TRAF3IP1: variants seen among roughly 807,000 people sequenced by gnomAD.
The protein encoded by TRAF3IP1 is intraflagellar transport 54, also known as TRAF3-interacting protein 1.
TRAF3IP1 carries 53 observed loss-of-function variants against 89.9 expected under a neutral mutation model. That is an observed-to-expected ratio of 0.59 (90% CI 0.47 to 0.74). The LOEUF is 0.74. Among genes scored for constraint, TRAF3IP1 ranks in the 30% least tolerant of loss-of-function variants. TRAF3IP1 has a pLI of 0.00. For missense variants in TRAF3IP1, 806 were observed against 866.1 expected, an observed-to-expected ratio of 0.93 and a Z score of 0.87; for synonymous variants, 311 against 322.1, an observed-to-expected ratio of 0.97 and a Z score of 0.37.
At chr2:238,325,670 A>G in intron 2 of TRAF3IP1, 139 bp from the exon 3 acceptor site, 1 of 860,468 alleles carries the variant, frequency 1.2e-6, no homozygotes. Flanking sequence ...GTAAAAGGTC[A>G]GTATTTCTAG....
Position 238,397,455 on chromosome 2 carries a change from G to A in TRAF3IP1, c.1690-4G>A, listed in dbSNP as rs1471372174. 4.3e-6 allele frequency: 7 copies of A among 1,612,350 alleles called. No individual in the cohort carries two copies. The highest frequency in any genetic ancestry group is 5.9e-6 in the Non-Finnish European group (7 of 1,179,642). On this transcript the variant is annotated splice_polypyrimidine_tract_variant and splice_region_variant and intron_variant, in intron 15 of 16. Coordinates refer to ENST00000373327, the MANE Select transcript of TRAF3IP1 (RefSeq NM_015650.4). ...TTCCTCTTCCTATGTCTCCCTGACTGTAGGAGCGATCTCTCTTTGAGTCGG... is the reference window on the plus strand; with the variant it reads ...TTCCTCTTCCTATGTCTCCCTGACTATAGGAGCGATCTCTCTTTGAGTCGG...
chr2:238,358,644 C>T (rs553116180), intron 15 of TRAF3IP1, among the ~76,000 whole-genome samples: 2 of 152,298 alleles, frequency 1.3e-5, no homozygotes, highest in Admixed American at 1.3e-4. Flanking sequence ...TTGGATGTGC[C>T]TCGTGGTGTT....
At chr2:238,330,851 C>T (rs1698083721) in intron 5 of TRAF3IP1, among the ~76,000 whole-genome samples, 1 of 152,198 alleles carries the variant, frequency 6.6e-6, no homozygotes, top group South Asian at 2.1e-4. Context: ...TTTCCCCCTC[C>T]ACTGCACATC....
intron 8 of TRAF3IP1, among the ~76,000 whole-genome samples, chr2:238,343,508 G>A (rs1698752412): frequency 1.3e-5 from 2 of 151,606 alleles, no homozygotes; most frequent in African/African-American, 2.4e-5. Context: ...CAGCCTCCTG[G>A]GTAGCTGGGA....
At chr2:238,383,952 T>G (rs370098595) in intron 15 of TRAF3IP1, among the ~76,000 whole-genome samples, 1 of 152,210 alleles carries the variant, frequency 6.6e-6, no homozygotes, top group African/African-American at 2.4e-5. Context: ...TCTCCCCTTA[T>G]GGTTTTTGTT....
At chr2:238,358,868 C>T (rs1046983358) in intron 15 of TRAF3IP1, among the ~76,000 whole-genome samples, 1 of 152,194 alleles carries the variant, frequency 6.6e-6, no homozygotes, top group Non-Finnish European at 1.5e-5. Context: ...TTCCATGGCT[C>T]CTCTCCATGC....
chr2:238,373,405 C>A (rs1384577788), intron 15 of TRAF3IP1, among the ~76,000 whole-genome samples: 2 of 152,158 alleles, frequency 1.3e-5, no homozygotes, highest in Non-Finnish European at 2.9e-5. Flanking sequence ...TTCCCCATTT[C>A]TTGTTTTTGT....
At chr2:238,362,823 C>T (rs555048570) in intron 15 of TRAF3IP1, among the ~76,000 whole-genome samples, 1 of 152,360 alleles carries the variant, frequency 6.6e-6, no homozygotes, top group Admixed American at 6.5e-5. Flanking sequence ...GAAGAGGCTG[C>T]CTCCCTGGCT....
At chr2:238,325,693 T>G in intron 2 of TRAF3IP1, 116 bp from the exon 3 acceptor site, 1 of 1,051,856 alleles carries the variant, frequency 9.5e-7, no homozygotes, top group Non-Finnish European at 1.4e-6. Context: ...TTGTTATATA[T>G]CTAAAAACAG....
intron 15 of TRAF3IP1, among the ~76,000 whole-genome samples, chr2:238,384,380 G>GTATGTATGTATGTATGTATGTA (rs1553619335): frequency 7.0e-6 from 1 of 143,238 alleles, no homozygotes; most frequent in Non-Finnish European, 1.5e-5. Flanking sequence ...ATGTATGTAT[G>GTATGTATGTATGTATGTATGTA]TATATATATA....
At chr2:238,395,758 G>A (rs893355936) in intron 15 of TRAF3IP1, among the ~76,000 whole-genome samples, 31 of 152,032 alleles carry the variant, frequency 2.0e-4, no homozygotes, top group African/African-American at 7.5e-4. Flanking sequence ...CATTTACGCA[G>A]CCAAAAAACA....
At chr2:238,336,871 T>C (rs944283617) in intron 7 of TRAF3IP1, among the ~76,000 whole-genome samples, 1 of 152,010 alleles carries the variant, frequency 6.6e-6, no homozygotes, top group African/African-American at 2.4e-5. Flanking sequence ...AAGTGAACCA[T>C]AGTGGAGGCT....
chr2:238,329,459 T>G, intron 5 of TRAF3IP1, 117 bp downstream of exon 5: 1 of 878,398 alleles, frequency 1.1e-6, no homozygotes, highest in Non-Finnish European at 1.6e-6. Context: ...TATGCCTATT[T>G]AAAATGATGA....
At chr2:238,355,335 AAAAC>A (rs1207904659) in intron 14 of TRAF3IP1, among the ~76,000 whole-genome samples, 6 of 152,264 alleles carry the variant, frequency 3.9e-5, no homozygotes, top group Non-Finnish European at 5.9e-5. Flanking sequence ...TTACATTTGA[AAAAC>A]AAACAAATAA....
rs1699386130 is a variant in TRAF3IP1 at position 238,355,978 on chromosome 2, ACATAAAAT to A, written c.1613-23_1613-16del. ...TTTTGGGATAGAGAATAAACTTTTA[ACATAAAAT>A]CACTGATTTTTCAACAGGTGGACTT... On this transcript the variant is annotated intron_variant, in intron 14 of 16. Transcript: ENST00000373327. The A allele has an allele frequency of 1.6e-5, 25 of 1,583,614 alleles. No individual in the cohort carries two copies. The highest frequency in any genetic ancestry group is 2.2e-5 in the Non-Finnish European group (25 of 1,153,970).
chr2:238,325,995 G>T, intron 3 of TRAF3IP1, 25 bp downstream of exon 3: 2 of 1,599,614 alleles, frequency 1.3e-6, no homozygotes, highest in South Asian at 2.3e-5. Context: ...CTGGCATTTT[G>T]AACTTACTTA....
In TRAF3IP1 at chr2:238,323,936, T is replaced by C. The variant is rs147583601; in HGVS notation, c.124-1370T>C. Among the ~76,000 whole-genome samples, 8 of 152,186 alleles carry C rather than the reference T, an allele frequency of 5.3e-5. No individual in the cohort carries two copies. In the East Asian group the frequency reaches 1.5e-3, roughly 29 times the overall value. On this transcript the variant is annotated intron_variant, in intron 1 of 16. Coordinates refer to ENST00000373327, the MANE Select transcript of TRAF3IP1 (RefSeq NM_015650.4). ...ACAGGTTACCTGAGGGAAGGGATGATTAGGGAGAGAACCAAAGCAGTGAGG... is the reference window on the plus strand; with the variant it reads ...ACAGGTTACCTGAGGGAAGGGATGACTAGGGAGAGAACCAAAGCAGTGAGG...
At chr2:238,380,931 A>G (rs1161240143) in intron 15 of TRAF3IP1, among the ~76,000 whole-genome samples, 1 of 152,124 alleles carries the variant, frequency 6.6e-6, no homozygotes, top group African/African-American at 2.4e-5. Context: ...TCCTGGGAAT[A>G]TCTTCCATAG....
chr2:238,363,520 T>C (rs1209038093), intron 15 of TRAF3IP1, among the ~76,000 whole-genome samples: 2 of 152,188 alleles, frequency 1.3e-5, no homozygotes, highest in African/African-American at 4.8e-5. Flanking sequence ...ATGAAATTGA[T>C]TATTTGGAAT....
Sources: gnomAD v4.1 joint callset for allele counts (sites outside exome capture counted in the v4.1 genomes callset) on GRCh38, gnomAD v4.1.1 for gene constraint, MANE v1.5 for transcripts, NCBI Gene and HGNC (gene_info 2026-07-23, HGNC 2026-07-21) for gene names.